The following USP53 variants were observed in gnomAD, a reference collection of about 807,000 sequenced individuals.
The protein encoded by USP53 is ubiquitin specific peptidase 53.
In USP53, 71 loss-of-function variants were observed where a neutral mutation model predicts 94.9. That is an observed-to-expected ratio of 0.75 (90% CI 0.62 to 0.91). The LOEUF is 0.91. Ranked by LOEUF, USP53 falls within the 40% of genes least tolerant of loss-of-function variation. The pLI is 0.00. For synonymous variants in USP53, 375 were observed against 422.7 expected, an observed-to-expected ratio of 0.89 and a Z score of 1.39; for missense variants, 1,173 against 1,281.0, an observed-to-expected ratio of 0.92 and a Z score of 1.29.
intron 3 of USP53, among the ~76,000 whole-genome samples, chr4:119,224,490 A>G (rs909420492): frequency 6.6e-6 from 1 of 152,246 alleles, no homozygotes; most frequent in African/African-American, 2.4e-5. Flanking sequence ...TTATTTAACA[A>G]TGTAACTCAG....
chr4:119,239,929 T>C, intron 5 of USP53, 26 bp downstream of exon 5: 1 of 1,395,314 alleles, frequency 7.2e-7, no homozygotes, highest in Non-Finnish European at 9.4e-7. Context: ...CTTATTACAT[T>C]AAAAAAAATA....
chr4:119,245,518 A>G (rs1748116313), intron 6 of USP53, 89 bp downstream of exon 6: 1 of 1,076,234 alleles, frequency 9.3e-7, no homozygotes, highest in African/African-American at 1.6e-5. Context: ...TTGTAACTAA[A>G]GTTCACTGTC....
chr4:119,246,278 T>C (rs1386574562), intron 6 of USP53, among the ~76,000 whole-genome samples: 2 of 152,036 alleles, frequency 1.3e-5, no homozygotes, highest in African/African-American at 4.8e-5. Context: ...TGAGGTTAGG[T>C]TAGTTTAGAA....
At chr4:119,216,472 C>G (rs1165341162) in intron 2 of USP53, among the ~76,000 whole-genome samples, 1 of 151,940 alleles carries the variant, frequency 6.6e-6, no homozygotes, top group East Asian at 1.9e-4. Flanking sequence ...CTGACACTTA[C>G]TTCAGTCACT....
Position 119,291,149 on chromosome 4 carries a change from C to CCCCCCCCCA in USP53, c.2252-13_2252-12insCCCCCACCC. 2 of 848,960 alleles carry CCCCCCCCCA rather than the reference C, an allele frequency of 2.4e-6. No homozygotes were observed. The highest frequency in any genetic ancestry group is 3.0e-5 in the East Asian group (1 of 33,522). 52.6% of individuals were successfully genotyped at this position (848,960 alleles called of 1,614,324 possible). On this transcript the variant is annotated splice_polypyrimidine_tract_variant and intron_variant, in intron 17 of 18. Coordinates refer to ENST00000692078, the MANE Select transcript of USP53 (RefSeq NM_001371395.1). ...TTGTTTTCCTCATCTCTTCTCCCCA[C>CCCCCCCCCA]CCCACCCAACCCTAGGCTTTAGAAA...
Position 119,292,372 on chromosome 4 carries a change from C to A in USP53, c.2383C>A (p.Pro795Thr). Reference protein sequence around the residue: ...HVHEDNGKLFPSSSLQIPKDH... With the variant: ...HVHEDNGKLFTSSSLQIPKDH... ...ACATGAAGACAATGGAAAGTTATTT[C>A]CTTCATCCAGTCTACAAATACCCAA... is the stretch of plus-strand genomic sequence containing the variant. The change falls in exon 19 of 19, where the codon CCT becomes ACT. Residue 795 changes from proline to threonine, a missense_variant. Coordinates refer to ENST00000692078, the MANE Select transcript of USP53 (RefSeq NM_001371395.1). 1.2e-6 allele frequency: 2 copies of A among 1,608,206 alleles called. No homozygotes were observed. The highest frequency in any genetic ancestry group is 1.7e-6 in the Non-Finnish European group (2 of 1,178,090).
intron 9 of USP53, among the ~76,000 whole-genome samples, chr4:119,258,860 C>G (rs752857968): frequency 1.2e-4 from 18 of 152,256 alleles, no homozygotes; most frequent in Non-Finnish European, 1.9e-4. Context: ...TGAGTGGGGA[C>G]ACAGCCAAAC....
chr4:119,282,122 C>T (rs1173124708), intron 17 of USP53, among the ~76,000 whole-genome samples: 1 of 152,078 alleles, frequency 6.6e-6, no homozygotes, highest in Non-Finnish European at 1.5e-5. Flanking sequence ...TTCAGGGTTC[C>T]TCCATGTTGT....
At chr4:119,228,399 A>C (rs1343904861) in intron 3 of USP53, among the ~76,000 whole-genome samples, 2 of 152,226 alleles carry the variant, frequency 1.3e-5, no homozygotes, top group Non-Finnish European at 2.9e-5. Flanking sequence ...CACCAGCCAG[A>C]GAAAGCACTC....
At chr4:119,285,341 A>G (rs1753976874) in intron 17 of USP53, among the ~76,000 whole-genome samples, 1 of 151,924 alleles carries the variant, frequency 6.6e-6, no homozygotes. Context: ...ATAGTAGGTT[A>G]GGATATTTAT....
chr4:119,239,853 T>C lies in USP53; in HGVS notation c.94T>C (p.Leu32=), dbSNP rs1192520016. Residue 32 remains leucine (L), a synonymous_variant, in exon 5 of 19, where the codon TTG becomes CTG. Transcript: ENST00000692078. ...GCTATCACTAGCCCCTACCAAAGGC[T>C]TGTTAAATGAACCAGGACAAAACAG... ...SMLSLAPTKG[L]LNEPGQNSCF... is the part of the protein sequence containing the mutation. 1.9e-6 allele frequency: 3 copies of C among 1,612,240 alleles called. No individual in the cohort carries two copies. Among genetic ancestry groups the C allele is most frequent in the African/African-American group, 1.3e-5 (1 of 74,878 alleles).
chr4:119,269,929 T>TTAAATAATATATA (rs1751637527), intron 15 of USP53, 92 bp downstream of exon 15: 1 of 609,530 alleles, frequency 1.6e-6, no homozygotes, highest in African/African-American at 2.0e-5. Context: ...TCTGTATATG[T>TTAAATAATATATA]TAAATAATAT....
chr4:119,262,839 G>C (rs1051788879), intron 12 of USP53, among the ~76,000 whole-genome samples: 1 of 152,138 alleles, frequency 6.6e-6, no homozygotes, highest in Admixed American at 6.5e-5. Context: ...ATCACGAGGA[G>C]CTTTTAAAAA....
intron 7 of USP53, 78 bp downstream of exon 7, chr4:119,248,960 G>T: frequency 1.3e-6 from 2 of 1,539,524 alleles, no homozygotes; most frequent in Non-Finnish European, 1.8e-6. Flanking sequence ...TGAGACAAAT[G>T]AAACAAAAAT....
intron 7 of USP53, among the ~76,000 whole-genome samples, chr4:119,253,669 TC>T (rs1324111961): frequency 6.6e-6 from 1 of 152,206 alleles, no homozygotes; most frequent in Non-Finnish European, 1.5e-5. Context: ...TGACTCTTTA[TC>T]CAATTTGCCA....
Position 119,259,924 on chromosome 4 carries a change from C to G in USP53, c.674C>G (p.Pro225Arg), listed in dbSNP as rs754652289. The change falls in exon 10 of 19, where the codon CCT becomes CGT. Residue 225 changes from proline (P) to arginine (R), a missense_variant and splice_region_variant. Pro to Arg is a moderately radical substitution (Grantham distance 103). Coordinates refer to ENST00000692078, the MANE Select transcript of USP53 (RefSeq NM_001371395.1). ...ANTTDDYRKC[P>R]SNCGQKIKIR... ...ACAACAGATGACTATAGGAAATGTC[C>G]TGTAAGTATAGTTTGGAGAATATTA... The G allele has an allele frequency of 1.2e-6, 2 of 1,601,538 alleles. No homozygotes were observed. The highest frequency in any genetic ancestry group is 1.7e-5 in the Admixed American group (1 of 58,464).
intron 3 of USP53, among the ~76,000 whole-genome samples, chr4:119,227,019 G>A (rs145033423): frequency 6.6e-6 from 1 of 151,750 alleles, no homozygotes; most frequent in African/African-American, 2.4e-5. Context: ...TACTTTTGTA[G>A]ATGGTTCTTA....
chr4:119,227,032 G>T (rs1190960905), intron 3 of USP53, among the ~76,000 whole-genome samples: 2 of 151,688 alleles, frequency 1.3e-5, no homozygotes, highest in African/African-American at 4.8e-5. Flanking sequence ...GGTTCTTACT[G>T]TGTTGCCCAA....
rs192069763 is a variant in USP53, at chr4:119,255,275, A to G, written c.373-971A>G. ...CTCTCTTCAGAGCTGTCAGGCAGGG[A>G]CATTTAAGTCTGCAGAAGCTGTCTG... On this transcript the variant is annotated intron_variant, in intron 7 of 18. Coordinates refer to ENST00000692078, the MANE Select transcript of USP53 (RefSeq NM_001371395.1). 7.3e-3 allele frequency among the ~76,000 whole-genome samples: 1,110 copies of G among 152,278 alleles called. 13 individuals carry two copies. Among genetic ancestry groups the G allele is most frequent in the African/African-American group, 0.025 (1,047 of 41,554 alleles).
Sources: gnomAD v4.1 joint callset for allele counts (sites outside exome capture counted in the v4.1 genomes callset) on GRCh38, gnomAD v4.1.1 for gene constraint, MANE v1.5 for transcripts, NCBI Gene and HGNC (gene_info 2026-07-23, HGNC 2026-07-21) for gene names.